Variants in TRMU observed in about 807,000 individuals in gnomAD.
TRMU encodes mitochondrial tRNA-specific 2-thiouridylase 1.
In TRMU, 49 loss-of-function variants were observed where a neutral mutation model predicts 46.9. That is an observed-to-expected ratio of 1.05 (90% CI 0.83 to 1.33). The LOEUF (loss-of-function observed/expected upper bound fraction) is 1.33. TRMU is among the 40% of genes most tolerant of loss of function. The probability of loss-of-function intolerance (pLI) is 0.00; values close to 1 mark genes in which losing one functional copy is unlikely to be tolerated. For synonymous variants in TRMU, 241 were observed against 200.9 expected (o/e 1.20, Z -1.69); for missense variants, 572 against 532.4 (o/e 1.07, Z -0.73).
chr22:46,353,640 T>A, intron 7 of TRMU, 127 bp from the exon 8 acceptor site: 1 of 826,088 alleles, frequency 1.2e-6, no homozygotes, highest in Non-Finnish European at 2.1e-6. Flanking sequence ...AATCGTATCT[T>A]CCTAGTGAGT....
chr22:46,348,872 T>C lies in TRMU; in HGVS notation c.479-1419T>C, dbSNP rs529902376. ...CTCTGAGGCCAGGTGCGGTGGCTCA[T>C]GCCTGTAATCACAGCACTTTGGGAA... On this transcript the variant is annotated intron_variant, in intron 4 of 10. Coordinates refer to ENST00000645190, the MANE Select transcript of TRMU (RefSeq NM_018006.5). The surrounding 1 kb of genome is among the most constrained non-coding windows in gnomAD (Gnocchi z 4.8). 3.7e-4 allele frequency among the ~76,000 whole-genome samples: 57 copies of C among 152,190 alleles called. No homozygotes were observed. The South Asian group carries it at 0.011, about 29-fold the overall frequency.
At position 46,357,157 on chromosome 22, in the gene TRMU, C is replaced by T. The variant is rs116347546; in HGVS notation, c.*151C>T. On this transcript the variant is annotated 3_prime_UTR_variant, in exon 11 of 11. Coordinates refer to ENST00000645190, the MANE Select transcript of TRMU (RefSeq NM_018006.5). ...GTCCGAAAAGCCTGCAGGGGCCCGG[C>T]GAGCCCCAGGAAGAGCCTCAGCTCC... 7,557 of 1,049,788 alleles carry T rather than the reference C, an allele frequency of 7.2e-3. 382 individuals are homozygous for T. In the African/African-American group the frequency reaches 0.1, roughly 14 times the overall value. The allele number at this position is 1,049,788 out of a possible 1,614,324, so 65.0% of individuals were successfully genotyped here.
intron 2 of TRMU, among the ~76,000 whole-genome samples, chr22:46,343,037 A>C (rs1386222866): frequency 6.6e-6 from 1 of 152,208 alleles, no homozygotes; most frequent in African/African-American, 2.4e-5. Context: ...CTACACAGAG[A>C]CGGTGGCTCC....
In TRMU at chr22:46,352,251, G is replaced by T. The variant is rs757242998; in HGVS notation, c.706-13G>T. The T allele has an allele frequency of 1.9e-6, 3 of 1,614,222 alleles. No homozygotes were observed. Among genetic ancestry groups the T allele is most frequent in the Non-Finnish European group, 2.5e-6 (3 of 1,180,050 alleles). On this transcript the variant is annotated splice_polypyrimidine_tract_variant and intron_variant, in intron 6 of 10. Coordinates refer to ENST00000645190, the MANE Select transcript of TRMU (RefSeq NM_018006.5). Reference sequence around the variant, plus strand: ...CCTAGATCTCCGTCGGTAATGACATGTTTGTTTTCCAGTATCTGCAGCCTC... The same window carrying T: ...CCTAGATCTCCGTCGGTAATGACATTTTTGTTTTCCAGTATCTGCAGCCTC...
rs1189125672 is a variant in TRMU, at chr22:46,348,287, T to G, written c.478+1743T>G. Among the ~76,000 whole-genome samples, 1 of 152,216 alleles carries G rather than the reference T, an allele frequency of 6.6e-6. No individual in the cohort carries two copies. The highest frequency in any genetic ancestry group is 1.5e-5 in the Non-Finnish European group (1 of 68,036). On this transcript the variant is annotated intron_variant, in intron 4 of 10. Coordinates refer to ENST00000645190, the MANE Select transcript of TRMU (RefSeq NM_018006.5). This position sits in a 1 kb window ranked among gnomAD's most constrained non-coding sequence, Gnocchi z 4.8. ...GCCCTGCAGAGCCATCGACCTTTAT[T>G]ATAGGCCACGTGCCCTCGGAAACTT...
Position 46,350,385 on chromosome 22 carries a change from T to G in TRMU, c.573T>G (p.Pro191=). 1 of 1,614,198 alleles carries G rather than the reference T, an allele frequency of 6.2e-7. No individual in the cohort carries two copies. Among genetic ancestry groups the G allele is most frequent in the Non-Finnish European group, 8.5e-7 (1 of 1,180,040 alleles). ...ATGCCCTGAGGAGAACCATCTTCCC[T>G]CTGGGGGGATTAACGAAAGAGTTTG... is the stretch of plus-strand genomic sequence containing the variant. The part of the protein sequence containing the change: ...SQDALRRTIF[P]LGGLTKEFVK... Residue 191 remains proline, a synonymous_variant, in exon 5 of 11, where the codon CCT becomes CCG. Transcript: ENST00000645190. The surrounding 1 kb of genome is among the most constrained non-coding windows in gnomAD (Gnocchi z 4.6).
chr22:46,338,625 G>A lies in TRMU; in HGVS notation c.248+681G>A, dbSNP rs1051526668. 6.6e-6 allele frequency among the ~76,000 whole-genome samples: 1 copy of A among 152,250 alleles called. No individual in the cohort carries two copies. Among genetic ancestry groups the A allele is most frequent in the Admixed American group, 6.5e-5 (1 of 15,292 alleles). ...TCAAGAAGGCTTCACCGGAGAGGAGGGGTTGCAAACAAAGTTGTAGAGAAG... is the reference window on the plus strand; with the variant it reads ...TCAAGAAGGCTTCACCGGAGAGGAGAGGTTGCAAACAAAGTTGTAGAGAAG... On this transcript the variant is annotated intron_variant, in intron 2 of 10. Transcript: ENST00000645190. This position sits in a 1 kb window ranked among gnomAD's most constrained non-coding sequence, Gnocchi z 4.5.
chr22:46,343,448 C>T (rs988974178), intron 3 of TRMU, 80 bp downstream of exon 3: 68 of 1,062,588 alleles, frequency 6.4e-5, no homozygotes, highest in Non-Finnish European at 6.4e-5. Flanking sequence ...TGCAGTGGTG[C>T]GATCATGACT....
In TRMU at chr22:46,355,522, C is replaced by G. The variant is rs150128284; in HGVS notation, c.952C>G (p.Pro318Ala). ...CGTGCACTGGATTGCGGAGGAGCCT[C>G]CCGCAGCACTGGTCCGGGACAAGAT... ...SRVHWIAEEPPAALVRDKMME... is the reference protein window; with the variant it reads ...SRVHWIAEEPAAALVRDKMME... Residue 318 changes from proline (P) to alanine (A), a missense_variant, in exon 9 of 11, where the codon CCC becomes GCC. Pro to Ala is a conservative substitution (Grantham distance 27, BLOSUM62 -1). Coordinates refer to ENST00000645190, the MANE Select transcript of TRMU (RefSeq NM_018006.5). The G allele has an allele frequency of 1.7e-5, 28 of 1,613,158 alleles. No individual in the cohort carries two copies. Among genetic ancestry groups the G allele is most frequent in the Non-Finnish European group, 2.3e-5 (27 of 1,180,034 alleles).
Position 46,338,163 on chromosome 22 carries a change from TTTGCCAC to T in TRMU, c.248+225_248+231del, listed in dbSNP as rs1361629289. The T allele has an allele frequency of 5.2e-6, 3 of 579,780 alleles. No individual in the cohort carries two copies. In the East Asian group the frequency reaches 9.4e-5, roughly 18 times the overall value. The allele number at this position is 579,780 out of a possible 1,614,324, so 35.9% of individuals were successfully genotyped here. On this transcript the variant is annotated intron_variant, in intron 2 of 10. Coordinates refer to ENST00000645190, the MANE Select transcript of TRMU (RefSeq NM_018006.5). This position sits in a 1 kb window ranked among gnomAD's most constrained non-coding sequence, Gnocchi z 4.5. Reference sequence around the variant, plus strand: ...CACCCAGCTCTCTCACTCCTGTCATTTTGCCACTTGCCTGAAGTCTCTTTAATGCTTT... The same window carrying T: ...CACCCAGCTCTCTCACTCCTGTCATTTTGCCTGAAGTCTCTTTAATGCTTT...
chr22:46,350,309 C>G lies in TRMU; in HGVS notation c.497C>G (p.Ala166Gly). 1 of 1,614,222 alleles carries G rather than the reference C, an allele frequency of 6.2e-7. No individual in the cohort carries two copies. Among genetic ancestry groups the G allele is most frequent in the Non-Finnish European group, 8.5e-7 (1 of 1,180,042 alleles). ...TTGGCAGCGGTAAAACTCCTCCAGG[C>G]AGCTGACAGCTTTAAAGACCAGACC... Reference protein sequence around the residue: ...EVRNAVKLLQAADSFKDQTFF... With the variant: ...EVRNAVKLLQGADSFKDQTFF... The change falls in exon 5 of 11, where the codon GCA becomes GGA. Residue 166 changes from alanine to glycine, a missense_variant. Physicochemically the swap from Ala to Gly is moderately conservative, Grantham distance 60. Coordinates refer to ENST00000645190, the MANE Select transcript of TRMU (RefSeq NM_018006.5). The surrounding 1 kb of genome is among the most constrained non-coding windows in gnomAD (Gnocchi z 4.6).
chr22:46,346,685 A>T, intron 4 of TRMU, 141 bp downstream of exon 4: 1 of 1,076,930 alleles, frequency 9.3e-7, no homozygotes, highest in Admixed American at 2.0e-5. Context: ...TTCACATTTG[A>T]AAAGGTGCAG....
chr22:46,339,487 G>A lies in TRMU; in HGVS notation c.248+1543G>A, dbSNP rs987089091. Among the ~76,000 whole-genome samples, 3 of 152,094 alleles carry A rather than the reference G, an allele frequency of 2.0e-5. No individual in the cohort carries two copies. Among genetic ancestry groups the A allele is most frequent in the African/African-American group, 7.2e-5 (3 of 41,406 alleles). Reference sequence around the variant, plus strand: ...TTCATTATTAAAAAGATGAGTCTGGGGAGCTAAGCTATGAGGACGCAAAGG... The same window carrying A: ...TTCATTATTAAAAAGATGAGTCTGGAGAGCTAAGCTATGAGGACGCAAAGG... On this transcript the variant is annotated intron_variant, in intron 2 of 10. Transcript: ENST00000645190. This position sits in a 1 kb window ranked among gnomAD's most constrained non-coding sequence, Gnocchi z 4.8.
rs879811355 is a variant in TRMU at position 46,355,059 on chromosome 22, G to A, written c.874-385G>A. 66 of 320,360 alleles carry A rather than the reference G, an allele frequency of 2.1e-4. 1 individual carries two copies. The highest frequency in any genetic ancestry group is 1.1e-3 in the South Asian group (33 of 31,300). 19.8% of individuals were successfully genotyped at this position (320,360 alleles called of 1,614,324 possible). Reference sequence around the variant, plus strand: ...GCCTTGAGAGAAGAGCCCGTGGTGTGGCTGGCCCCTGTCCCTGCGAATAGA... The same window carrying A: ...GCCTTGAGAGAAGAGCCCGTGGTGTAGCTGGCCCCTGTCCCTGCGAATAGA... On this transcript the variant is annotated intron_variant, in intron 8 of 10. Transcript: ENST00000645190.
chr22:46,356,303 T>C, intron 10 of TRMU: 1 of 565,028 alleles, frequency 1.8e-6, no homozygotes, highest in Admixed American at 2.9e-5. Flanking sequence ...GCTCGGGCCC[T>C]GAGAGGCTCA....
At position 46,348,807 on chromosome 22, in the gene TRMU, T is replaced by C. The variant is rs1021045371; in HGVS notation, c.479-1484T>C. ...TAGTTTTCTGAGGCTTTTACACACA[T>C]GCAGTGTTTGACTGCAGTTAGTTTG... On this transcript the variant is annotated intron_variant, in intron 4 of 10. Coordinates refer to ENST00000645190, the MANE Select transcript of TRMU (RefSeq NM_018006.5). The surrounding 1 kb of genome is among the most constrained non-coding windows in gnomAD (Gnocchi z 4.8). Among the ~76,000 whole-genome samples the C allele has an allele frequency of 1.3e-5, 2 of 152,190 alleles. No homozygotes were observed. The highest frequency in any genetic ancestry group is 4.8e-5 in the African/African-American group (2 of 41,442).
chr22:46,337,966 A>G, intron 2 of TRMU, 22 bp downstream of exon 2: 3 of 1,613,918 alleles, frequency 1.9e-6, no homozygotes, highest in Non-Finnish European at 2.5e-6. Context: ...TCACAGCACA[A>G]AGGAAGCTTC....
chr22:46,350,522 C>A lies in TRMU; in HGVS notation c.651+59C>A, dbSNP rs79354880. ...GTTTCCCTTTCCCGACTGCATGGCA[C>A]GGAGCAGCTGGACCTGTGGGTCCCG... On this transcript the variant is annotated intron_variant, in intron 5 of 10. Transcript: ENST00000645190. This position sits in a 1 kb window ranked among gnomAD's most constrained non-coding sequence, Gnocchi z 4.6. The A allele has an allele frequency of 0.085, 135,563 of 1,601,426 alleles. 6,418 individuals are homozygous for A. The highest frequency in any genetic ancestry group is 0.098 in the Non-Finnish European group (114,477 of 1,171,054).
At chr22:46,354,043 G>C (rs1024455229) in intron 8 of TRMU, 176 bp downstream of exon 8, 1 of 630,458 alleles carries the variant, frequency 1.6e-6, no homozygotes, top group Non-Finnish European at 2.9e-6. Context: ...TGGCAGGAGA[G>C]TTTTAAGGTA....
Sources: allele counts gnomAD v4.1 joint callset (sites outside exome capture counted in the v4.1 genomes callset), GRCh38; gene constraint gnomAD v4.1.1; non-coding constraint Gnocchi (gnomAD v3.1); transcripts MANE v1.5; gene names NCBI Gene and HGNC (gene_info 2026-07-23, HGNC 2026-07-21).